SNX29: variants seen among roughly 807,000 people sequenced by gnomAD.
SNX29 encodes sorting nexin 29, also known as sorting nexin-29.
Under a neutral mutation model 102.1 loss-of-function variants are expected in SNX29, and 78 were observed. The ratio of observed to expected loss-of-function variants is 0.76; its 90% CI spans 0.64 to 0.92. SNX29 has a LOEUF of 0.92. SNX29 is among the 40% of genes least tolerant of loss of function. The pLI is 0.00. For missense variants in SNX29, 1,280 were observed against 1,061.7 expected, an observed-to-expected ratio of 1.21 and a Z score of -2.86; for synonymous variants, 580 against 414.5, an observed-to-expected ratio of 1.40 and a Z score of -4.85.
intron 13 of SNX29, among the ~76,000 whole-genome samples, chr16:12,194,046 T>G (rs1309442480): frequency 6.6e-6 from 1 of 152,248 alleles, no homozygotes; most frequent in Non-Finnish European, 1.5e-5. Context: ...GGATTTTGAT[T>G]GGGCTTTCAT....
chr16:12,463,112 A>T (rs1263597454), intron 18 of SNX29, among the ~76,000 whole-genome samples: 1 of 152,128 alleles, frequency 6.6e-6, no homozygotes, highest in African/African-American at 2.4e-5. Context: ...GCCCCTTATT[A>T]GGACGCCAGG....
intron 1 of SNX29, among the ~76,000 whole-genome samples, chr16:11,998,032 G>A (rs1321541653): frequency 6.6e-6 from 1 of 152,150 alleles, no homozygotes; most frequent in African/African-American, 2.4e-5. Flanking sequence ...TGGCATGTAG[G>A]ATGCGCCCAG....
intron 20 of SNX29, among the ~76,000 whole-genome samples, chr16:12,539,255 C>T (rs1244029285): frequency 1.3e-5 from 2 of 152,154 alleles, no homozygotes; most frequent in Non-Finnish European, 2.9e-5. Flanking sequence ...AAGCTGTTTT[C>T]CCCTCATTTC....
intron 13 of SNX29, among the ~76,000 whole-genome samples, chr16:12,182,531 T>A (rs993368356): frequency 4.6e-5 from 7 of 152,150 alleles, no homozygotes; most frequent in Non-Finnish European, 7.4e-5. Flanking sequence ...GCTGAGATAG[T>A]GATTCCTTCA....
intron 18 of SNX29, among the ~76,000 whole-genome samples, 160 bp downstream of exon 18, chr16:12,403,689 A>G (rs1258354916): frequency 6.6e-6 from 1 of 152,082 alleles, no homozygotes; most frequent in Non-Finnish European, 1.5e-5. Flanking sequence ...TTGCCGAAGA[A>G]GTCTGTGGCT....
At chr16:12,235,041 T>G (rs79755759) in intron 14 of SNX29, among the ~76,000 whole-genome samples, 6,131 of 152,206 alleles carry the variant, frequency 0.04, 439 homozygotes, top group African/African-American at 0.14. Flanking sequence ...TCTTTGGCTT[T>G]GTCTCTTTCT....
At chr16:12,299,886 T>G (rs1270299145) in intron 15 of SNX29, among the ~76,000 whole-genome samples, 1 of 152,152 alleles carries the variant, frequency 6.6e-6, no homozygotes, top group Non-Finnish European at 1.5e-5. Flanking sequence ...TTTTTCTTTC[T>G]TTGAGATCGA....
At chr16:12,169,838 G>A (rs1027208657) in intron 13 of SNX29, among the ~76,000 whole-genome samples, 3 of 151,932 alleles carry the variant, frequency 2.0e-5, no homozygotes, top group Non-Finnish European at 4.4e-5. Flanking sequence ...CTCCAGCCTG[G>A]GGACCATCCA....
chr16:11,987,949 T>C (rs1341731909), intron 1 of SNX29, among the ~76,000 whole-genome samples: 2 of 152,176 alleles, frequency 1.3e-5, no homozygotes, highest in African/African-American at 2.4e-5. Flanking sequence ...TTACCAGTGG[T>C]GTGTACTTGA....
chr16:12,488,650 C>G (rs1255090889), intron 19 of SNX29, among the ~76,000 whole-genome samples: 1 of 152,208 alleles, frequency 6.6e-6, no homozygotes, highest in Non-Finnish European at 1.5e-5. Flanking sequence ...TATGTCCCTT[C>G]ACTTCCAGGA....
chr16:12,255,140 T>C (rs556537915), intron 14 of SNX29, among the ~76,000 whole-genome samples: 3 of 152,352 alleles, frequency 2.0e-5, no homozygotes, highest in African/African-American at 4.8e-5. Context: ...TACTTTTTTT[T>C]GGTGTTGAGA....
intron 15 of SNX29, among the ~76,000 whole-genome samples, chr16:12,333,974 TG>T (rs2081369987): frequency 6.6e-6 from 1 of 152,218 alleles, no homozygotes; most frequent in Non-Finnish European, 1.5e-5. Context: ...CTCATGGGGA[TG>T]TTCCTTGTCT....
At chr16:12,225,006 C>G (rs1260487172) in intron 14 of SNX29, among the ~76,000 whole-genome samples, 1 of 152,204 alleles carries the variant, frequency 6.6e-6, no homozygotes, top group African/African-American at 2.4e-5. Flanking sequence ...AGTTGATAAC[C>G]TTGCAAACCA....
intron 13 of SNX29, among the ~76,000 whole-genome samples, chr16:12,191,088 C>A (rs879036748): frequency 1.3e-5 from 2 of 152,126 alleles, no homozygotes; most frequent in Admixed American, 6.5e-5. Flanking sequence ...TGGGATAAAA[C>A]CGTTCCATCT....
At chr16:12,178,298 G>A (rs2076306109) in intron 13 of SNX29, among the ~76,000 whole-genome samples, 1 of 152,102 alleles carries the variant, frequency 6.6e-6, no homozygotes, top group Non-Finnish European at 1.5e-5. Flanking sequence ...GGGGGTGGTG[G>A]TTATGTTGGA....
rs571864796 is a variant in SNX29 at position 12,007,109 on chromosome 16, T to C, written c.122+4066T>C. 3.3e-5 allele frequency among the ~76,000 whole-genome samples: 5 copies of C among 152,354 alleles called. No individual in the cohort carries two copies. The East Asian group carries it at 9.6e-4, about 29-fold the overall frequency. On this transcript the variant is annotated intron_variant, in intron 3 of 20. Coordinates refer to ENST00000566228, the MANE Select transcript of SNX29 (RefSeq NM_032167.5). ...TCTCCTCTACCTCAGTGGGATTCCTTCTTAATATCAGAGACCTGGTCTTAC... is the reference window on the plus strand; with the variant it reads ...TCTCCTCTACCTCAGTGGGATTCCTCCTTAATATCAGAGACCTGGTCTTAC...
At chr16:12,506,310 TA>T (rs924899444) in intron 19 of SNX29, among the ~76,000 whole-genome samples, 15 of 150,738 alleles carry the variant, frequency 1.0e-4, no homozygotes, top group Non-Finnish European at 1.5e-4. Flanking sequence ...GACAACACCC[TA>T]AAAAAAAAGC....
chr16:12,388,005 G>A lies in SNX29; in HGVS notation c.1900-10441G>A, dbSNP rs369696622. Among the ~76,000 whole-genome samples, 12 of 152,186 alleles carry A rather than the reference G, an allele frequency of 7.9e-5. No individual in the cohort carries two copies. The East Asian group carries it at 1.4e-3, about 17-fold the overall frequency. On this transcript the variant is annotated intron_variant, in intron 16 of 20. Transcript: ENST00000566228. ...CAGATTTCATCATTGTGCTTATAAT[G>A]TTAAAAATACACTCCATGCGTGTGG...
At chr16:12,551,364 C>T (rs777642131) in intron 20 of SNX29, among the ~76,000 whole-genome samples, 7 of 152,174 alleles carry the variant, frequency 4.6e-5, no homozygotes, top group East Asian at 1.9e-4. Context: ...CTAGTCTTTC[C>T]ATTTGCAGAA....
Sources: allele counts gnomAD v4.1 joint callset (sites outside exome capture counted in the v4.1 genomes callset), GRCh38; gene constraint gnomAD v4.1.1; transcripts MANE v1.5; gene names NCBI Gene and HGNC (gene_info 2026-07-23, HGNC 2026-07-21).